CHCHD3: variants seen among roughly 807,000 people sequenced by gnomAD.
CHCHD3 encodes the protein MICOS complex subunit MIC19.
In CHCHD3, 20 loss-of-function variants were observed where a neutral mutation model predicts 38.2. That is an observed-to-expected ratio of 0.52 (90% CI 0.37 to 0.76). The LOEUF is 0.76. Ranked by LOEUF, CHCHD3 falls within the 30% of genes least tolerant of loss-of-function variation. CHCHD3 has a pLI of 0.00. For missense variants in CHCHD3, 245 were observed against 279.2 expected (o/e 0.88, Z 0.87); for synonymous variants, 82 against 100.0 (o/e 0.82, Z 1.07).
chr7:133,069,449 C>A (rs888674754), intron 2 of CHCHD3, among the ~76,000 whole-genome samples: 7 of 152,042 alleles, frequency 4.6e-5, no homozygotes, highest in African/African-American at 1.7e-4. Context: ...ATTAATCATC[C>A]CAATTATTTT....
chr7:132,875,723 GT>G (rs1245127208), intron 5 of CHCHD3, among the ~76,000 whole-genome samples: 1 of 152,194 alleles, frequency 6.6e-6, no homozygotes, highest in African/African-American at 2.4e-5. Context: ...TAATAAATGT[GT>G]TTTTGAATGA....
chr7:132,966,214 A>C (rs1042489469), intron 4 of CHCHD3, among the ~76,000 whole-genome samples: 1 of 152,214 alleles, frequency 6.6e-6, no homozygotes, highest in Non-Finnish European at 1.5e-5. Flanking sequence ...CGGAAGCCTT[A>C]CTTCATTTGG....
intron 4 of CHCHD3, among the ~76,000 whole-genome samples, chr7:132,956,328 T>C (rs1431721992): frequency 6.6e-6 from 1 of 152,228 alleles, no homozygotes; most frequent in Non-Finnish European, 1.5e-5. Context: ...TTTATACATA[T>C]ATTTTGATGT....
At chr7:132,912,846 C>T (rs112979135) in intron 4 of CHCHD3, among the ~76,000 whole-genome samples, 3,759 of 152,304 alleles carry the variant, frequency 0.025, 182 homozygotes, top group African/African-American at 0.085. Context: ...TGAGCCACTG[C>T]GCCCGGCCAA....
chr7:132,937,958 A>AACAT (rs1192669799), intron 4 of CHCHD3, among the ~76,000 whole-genome samples: 8 of 152,212 alleles, frequency 5.3e-5, no homozygotes, highest in African/African-American at 1.7e-4. Context: ...TTTACTTACA[A>AACAT]ACATACAGCC....
At chr7:132,908,724 A>G (rs6967037) in intron 4 of CHCHD3, among the ~76,000 whole-genome samples, 147,229 of 152,242 alleles carry the variant, frequency 0.97, 71,401 homozygotes, top group Middle Eastern at 1. Flanking sequence ...GAAGACAGAC[A>G]CAAAGGAATA....
At chr7:132,909,119 T>C (rs1809872312) in intron 4 of CHCHD3, among the ~76,000 whole-genome samples, 1 of 152,130 alleles carries the variant, frequency 6.6e-6, no homozygotes, top group Admixed American at 6.5e-5. Context: ...AAGGACATGT[T>C]TGCTTCCCCT....
At chr7:132,965,654 A>C (rs1367655334) in intron 4 of CHCHD3, among the ~76,000 whole-genome samples, 1 of 152,208 alleles carries the variant, frequency 6.6e-6, no homozygotes, top group Non-Finnish European at 1.5e-5. Flanking sequence ...ATAGGATTTA[A>C]AATATGTGCA....
intron 4 of CHCHD3, among the ~76,000 whole-genome samples, chr7:132,943,894 T>G (rs116939372): frequency 0.01 from 1,595 of 152,212 alleles, 12 homozygotes; most frequent in South Asian, 0.066. Flanking sequence ...ACTTTCAAAC[T>G]GATAAATAAC....
rs149983460 is a variant in CHCHD3, at chr7:132,894,825, A to G, written c.370-9080T>C. 6.6e-3 allele frequency among the ~76,000 whole-genome samples: 1,007 copies of G among 152,346 alleles called. 7 individuals are homozygous for G. The highest frequency in any genetic ancestry group is 0.012 in the Non-Finnish European group (796 of 68,040). On this transcript the variant is annotated intron_variant, in intron 4 of 7. Coordinates refer to ENST00000262570, the MANE Select transcript of CHCHD3 (RefSeq NM_017812.4). Reference sequence around the variant, plus strand: ...ATATACAGTGTGATTTTATGTGTACATTATTATGTATGTACATTATTATGT... The same window carrying G: ...ATATACAGTGTGATTTTATGTGTACGTTATTATGTATGTACATTATTATGT...
chr7:133,031,334 TA>T (rs1813497680), intron 2 of CHCHD3, among the ~76,000 whole-genome samples: 1 of 152,024 alleles, frequency 6.6e-6, no homozygotes, highest in Non-Finnish European at 1.5e-5. Flanking sequence ...GAATGGTGAA[TA>T]GAAATGACTC....
intron 5 of CHCHD3, among the ~76,000 whole-genome samples, chr7:132,874,345 C>T (rs1296993534): frequency 6.6e-6 from 1 of 152,176 alleles, no homozygotes; most frequent in Non-Finnish European, 1.5e-5. Flanking sequence ...ACTTTCTACG[C>T]TATGTAAGTA....
intron 6 of CHCHD3, among the ~76,000 whole-genome samples, chr7:132,810,573 A>G (rs1389468102): frequency 6.6e-6 from 1 of 152,200 alleles, no homozygotes; most frequent in Non-Finnish European, 1.5e-5. Flanking sequence ...GAAAACAACA[A>G]TCTACCACAC....
At chr7:132,976,056 G>A (rs1319685480) in intron 3 of CHCHD3, among the ~76,000 whole-genome samples, 4 of 152,078 alleles carry the variant, frequency 2.6e-5, no homozygotes, top group South Asian at 2.1e-4. Flanking sequence ...AGGACACAGC[G>A]ATAAACAAGA....
At chr7:133,013,291 G>GT (rs765469352) in intron 3 of CHCHD3, among the ~76,000 whole-genome samples, 3 of 151,832 alleles carry the variant, frequency 2.0e-5, no homozygotes, top group Non-Finnish European at 4.4e-5. Context: ...TCGAGTGATG[G>GT]TAAGTATGGG....
chr7:132,936,536 T>G (rs544634005), intron 4 of CHCHD3, among the ~76,000 whole-genome samples: 123 of 152,304 alleles, frequency 8.1e-4, no homozygotes, highest in African/African-American at 2.8e-3. Context: ...AACTTGCTCT[T>G]CTTTTAAACT....
intron 6 of CHCHD3, among the ~76,000 whole-genome samples, chr7:132,803,771 A>C (rs59608662): frequency 0.67 from 98,488 of 147,302 alleles, 33,552 homozygotes; most frequent in East Asian, 0.79. Context: ...GGGAAGGAAT[A>C]CACTCTTCCC....
At chr7:132,826,549 A>G (rs941372581) in intron 6 of CHCHD3, among the ~76,000 whole-genome samples, 39 of 152,218 alleles carry the variant, frequency 2.6e-4, no homozygotes, top group African/African-American at 8.9e-4. Context: ...CACAAAAGGA[A>G]CACAGCAATT....
At chr7:132,963,812 G>A (rs566358946) in intron 4 of CHCHD3, among the ~76,000 whole-genome samples, 21 of 152,188 alleles carry the variant, frequency 1.4e-4, no homozygotes, top group Admixed American at 1.2e-3. Context: ...TCAGAGCTAT[G>A]AGAAAAGAGC....
Sources: gnomAD v4.1 joint callset for allele counts (sites outside exome capture counted in the v4.1 genomes callset) on GRCh38, gnomAD v4.1.1 for gene constraint, MANE v1.5 for transcripts, NCBI Gene and HGNC (gene_info 2026-07-23, HGNC 2026-07-21) for gene names.